Variants in SCN11A observed in about 807,000 individuals in gnomAD.
SCN11A encodes the protein sodium voltage-gated channel alpha subunit 11.
Under a neutral mutation model 162.2 loss-of-function variants are expected in SCN11A, and 122 were observed. The observed-to-expected ratio is 0.75, with a 90% CI of 0.65 to 0.87. The LOEUF is 0.87. SCN11A is among the 40% of genes least tolerant of loss of function. The pLI, the probability that SCN11A is intolerant of heterozygous loss-of-function variation, is 0.00. For missense variants in SCN11A, 2,015 were observed against 2,181.6 expected (o/e 0.92, Z 1.52); for synonymous variants, 758 against 751.5 (o/e 1.01, Z -0.14).
intron 29 of SCN11A, 41 bp downstream of exon 29, chr3:38,850,440 T>C (rs1443295549): frequency 3.2e-6 from 5 of 1,558,602 alleles, no homozygotes; most frequent in Non-Finnish European, 3.5e-6. Flanking sequence ...ACAAACTTAC[T>C]TCTGGTTCTT....
At chr3:38,885,457 A>T (rs1394488290) in intron 20 of SCN11A, 55 bp from the exon 21 acceptor site, 2 of 945,832 alleles carry the variant, frequency 2.1e-6, no homozygotes, top group Non-Finnish European at 1.7e-6. Context: ...TTCTTTCACC[A>T]TAGTAGTACG....
intron 14 of SCN11A, 80 bp downstream of exon 14, chr3:38,907,869 A>T (rs1026050372): frequency 1.7e-5 from 21 of 1,220,940 alleles, no homozygotes; most frequent in Non-Finnish European, 2.4e-5. Flanking sequence ...GAATAAATGA[A>T]TTATTTCAAT....
At chr3:38,979,537 G>A (rs769661762) in intron 2 of SCN11A, among the ~76,000 whole-genome samples, 61 of 152,324 alleles carry the variant, frequency 4.0e-4, no homozygotes, top group Non-Finnish European at 7.9e-4. Context: ...GACTGTGACA[G>A]ATAGGCAGGG....
intron 11 of SCN11A, among the ~76,000 whole-genome samples, chr3:38,917,538 T>C (rs1422055645): frequency 1.3e-5 from 2 of 152,206 alleles, no homozygotes; most frequent in African/African-American, 4.8e-5. Flanking sequence ...CTGGAGGCTA[T>C]TAACCTTAAC....
At chr3:38,871,817 G>T in intron 24 of SCN11A, 109 bp from the exon 25 acceptor site, 1 of 897,012 alleles carries the variant, frequency 1.1e-6, no homozygotes, top group Non-Finnish European at 1.7e-6. Context: ...TTGGAGCTCT[G>T]TCCTTAATCT....
At chr3:38,962,714 G>T (rs1186470756) in intron 2 of SCN11A, among the ~76,000 whole-genome samples, 1 of 152,046 alleles carries the variant, frequency 6.6e-6, no homozygotes, top group East Asian at 1.9e-4. Flanking sequence ...TGGGCATGGT[G>T]GTGGGCGCCT....
intron 2 of SCN11A, among the ~76,000 whole-genome samples, chr3:38,976,336 C>T (rs143395960): frequency 6.1e-4 from 93 of 152,302 alleles, no homozygotes; most frequent in Middle Eastern, 3.4e-3. Flanking sequence ...TCTACTCACA[C>T]CTCCCACAAG....
intron 7 of SCN11A, among the ~76,000 whole-genome samples, chr3:38,931,900 T>C (rs975124356): frequency 3.3e-5 from 5 of 152,214 alleles, no homozygotes; most frequent in African/African-American, 1.2e-4. Context: ...AAGCTTCTTA[T>C]ATTTGCCTGA....
At chr3:38,897,454 C>T (rs763432762) in intron 17 of SCN11A, among the ~76,000 whole-genome samples, 5 of 152,180 alleles carry the variant, frequency 3.3e-5, no homozygotes, top group South Asian at 2.1e-4. Context: ...CAGTGGCTCA[C>T]GCCTGTAATC....
Position 38,897,114 on chromosome 3 carries a change from T to C in SCN11A, c.2134A>G (p.Ile712Val), listed in dbSNP as rs1559515989. The change falls in exon 18 of 30, where the codon ATC (isoleucine) becomes GTC (valine). Residue 712 changes from isoleucine to valine, a missense_variant. Physicochemically the swap from Ile to Val is conservative, Grantham distance 29 (BLOSUM62 3). Transcript: ENST00000302328. ...ATGCCAACTACTGAGAAAATAAAGA[T>C]CACAATGACCAGGACCACAGTCAGG... Reference protein sequence around the residue: ...GSLTVVLVIVIFIFSVVGMQL... With the variant: ...GSLTVVLVIVVFIFSVVGMQL... 3.1e-6 allele frequency: 5 copies of C among 1,614,014 alleles called. No homozygotes were observed. The highest frequency in any genetic ancestry group is 2.2e-5 in the East Asian group (1 of 44,876).
chr3:38,871,359 C>A, intron 25 of SCN11A, 86 bp downstream of exon 25: 1 of 1,289,746 alleles, frequency 7.8e-7, no homozygotes, highest in South Asian at 1.5e-5. Context: ...ACAATGGAGT[C>A]ACTGCATTTT....
chr3:39,020,878 C>T (rs1455219853), intron 2 of SCN11A, among the ~76,000 whole-genome samples: 3 of 151,936 alleles, frequency 2.0e-5, no homozygotes, highest in Non-Finnish European at 2.9e-5. Context: ...CTGGAGAATG[C>T]ATCAAAATTT....
chr3:39,048,577 T>A (rs115303808), intron 1 of SCN11A, among the ~76,000 whole-genome samples: 2,188 of 152,314 alleles, frequency 0.014, 26 homozygotes, highest in Non-Finnish European at 0.022. Context: ...AATATCACAC[T>A]GTACCCCATA....
chr3:38,921,321 T>G, intron 9 of SCN11A, 66 bp from the exon 10 acceptor site: 1 of 1,481,700 alleles, frequency 6.7e-7, no homozygotes, highest in East Asian at 2.3e-5. Flanking sequence ...AAAGGCCAAG[T>G]AAGGAGCAAC....
At chr3:38,948,614 T>A (rs574952747) in intron 5 of SCN11A, among the ~76,000 whole-genome samples, 1 of 152,346 alleles carries the variant, frequency 6.6e-6, no homozygotes, top group South Asian at 2.1e-4. Context: ...AGAGTGCTAA[T>A]CATGATCACA....
chr3:38,969,841 C>G (rs1210381007), intron 2 of SCN11A, among the ~76,000 whole-genome samples: 1 of 152,212 alleles, frequency 6.6e-6, no homozygotes, highest in Non-Finnish European at 1.5e-5. Context: ...CTGCTTAATG[C>G]CAAAGTCTAG....
chr3:38,958,925 G>A (rs905046538), intron 3 of SCN11A, among the ~76,000 whole-genome samples: 1 of 152,110 alleles, frequency 6.6e-6, no homozygotes, highest in South Asian at 2.1e-4. Context: ...GATTATTTAT[G>A]GCCTTCTCTT....
At chr3:38,897,872 C>T (rs2065632514) in intron 17 of SCN11A, among the ~76,000 whole-genome samples, 1 of 152,068 alleles carries the variant, frequency 6.6e-6, no homozygotes, top group African/African-American at 2.4e-5. Context: ...GGCCTGAGAG[C>T]CAAATACAGT....
chr3:39,043,483 C>CAAAAAAAAA (rs34032181), intron 1 of SCN11A, among the ~76,000 whole-genome samples: 1 of 105,286 alleles, frequency 9.5e-6, no homozygotes, highest in Non-Finnish European at 2.1e-5. Flanking sequence ...ACTATACAGC[C>CAAAAAAAAA]AAAAAAAAAA....
Sources: allele counts gnomAD v4.1 joint callset (sites outside exome capture counted in the v4.1 genomes callset), GRCh38; gene constraint gnomAD v4.1.1; transcripts MANE v1.5; gene names NCBI Gene and HGNC (gene_info 2026-07-23, HGNC 2026-07-21).